SYN3: variants seen among roughly 807,000 people sequenced by gnomAD.
The protein encoded by SYN3 is synapsin III.
In SYN3, 35 loss-of-function variants were observed where a neutral mutation model predicts 65.8. That is an observed-to-expected ratio of 0.53 (90% CI 0.41 to 0.70). The LOEUF (loss-of-function observed/expected upper bound fraction) is 0.70. Among genes scored for constraint, SYN3 ranks in the 30% least tolerant of loss-of-function variants. The pLI, the probability that SYN3 is intolerant of heterozygous loss-of-function variation, is 0.00. For missense variants in SYN3, 680 were observed against 749.0 expected, an observed-to-expected ratio of 0.91 and a Z score of 1.08; for synonymous variants, 270 against 292.9, an observed-to-expected ratio of 0.92 and a Z score of 0.80.
intron 6 of SYN3, among the ~76,000 whole-genome samples, chr22:32,611,824 G>T (rs1038518496): frequency 6.6e-6 from 1 of 152,134 alleles, no homozygotes; most frequent in East Asian, 1.9e-4. Flanking sequence ...AGCATCTTTT[G>T]TTCTAATGAG....
chr22:32,938,420 C>A (rs1403723515), intron 3 of SYN3, among the ~76,000 whole-genome samples: 1 of 151,452 alleles, frequency 6.6e-6, no homozygotes, highest in East Asian at 1.9e-4. Context: ...GTTCCAGCTA[C>A]TCGGGAGGCT....
Position 32,784,310 on chromosome 22 carries a change from C to T in SYN3, c.711+80605G>A, listed in dbSNP as rs2046139773. Among the ~76,000 whole-genome samples the T allele has an allele frequency of 2.0e-5, 3 of 152,218 alleles. No individual in the cohort carries two copies. In the South Asian group the frequency reaches 6.2e-4, roughly 32 times the overall value. On this transcript the variant is annotated intron_variant, in intron 6 of 13. Transcript: ENST00000358763. ...TATATGAATATGAACAATCATGTTA[C>T]ATGAGGCTGGAATGCCCATCTTGGG... is the stretch of plus-strand genomic sequence containing the variant.
At chr22:32,716,827 C>T (rs909082059) in intron 6 of SYN3, among the ~76,000 whole-genome samples, 8 of 151,862 alleles carry the variant, frequency 5.3e-5, no homozygotes, top group Non-Finnish European at 1.2e-4. Flanking sequence ...CCTCTCTGAC[C>T]TTTTTTTTAA....
At chr22:32,707,504 T>C (rs2060896062) in intron 6 of SYN3, among the ~76,000 whole-genome samples, 1 of 152,304 alleles carries the variant, frequency 6.6e-6, no homozygotes, top group Non-Finnish European at 1.5e-5. Context: ...CAGTCTCAAA[T>C]GGACCAGGGT....
At chr22:32,707,311 G>A (rs936539200) in intron 6 of SYN3, among the ~76,000 whole-genome samples, 6 of 152,204 alleles carry the variant, frequency 3.9e-5, no homozygotes, top group Admixed American at 1.3e-4. Context: ...AGGGACTCAT[G>A]TTAGTGTAAG....
rs1408226248 is a variant in SYN3 at position 33,006,394 on chromosome 22, C to G, written c.269G>C (p.Arg90Thr). ...PPGPSTPIVQ[R>T]PRILLVIDDA... ...ATCGATCACCAACAGGATCCTGGGT[C>G]TTTGAACAATGGGCGTGGAGGGACC... The change falls in exon 2 of 14, where the codon AGA (arginine) becomes ACA (threonine). Residue 90 changes from arginine to threonine, a missense_variant. Arg to Thr is a moderately conservative substitution (Grantham distance 71). Transcript: ENST00000358763. 1 of 1,613,922 alleles carries G rather than the reference C, an allele frequency of 6.2e-7. No homozygotes were observed. Among genetic ancestry groups the G allele is most frequent in the African/African-American group, 1.3e-5 (1 of 74,948 alleles).
At chr22:32,519,014 C>G (rs955198543) in intron 12 of SYN3, among the ~76,000 whole-genome samples, 3 of 152,036 alleles carry the variant, frequency 2.0e-5, no homozygotes, top group Admixed American at 6.6e-5. Flanking sequence ...AAAGGACACA[C>G]GAGGATACAC....
At chr22:32,971,456 G>T (rs983891274) in intron 3 of SYN3, among the ~76,000 whole-genome samples, 2 of 152,188 alleles carry the variant, frequency 1.3e-5, no homozygotes, top group South Asian at 4.1e-4. Context: ...AGGCTTAGTG[G>T]ATCAGAGCGG....
chr22:32,915,826 T>C (rs1465062180), intron 4 of SYN3, among the ~76,000 whole-genome samples: 1 of 152,336 alleles, frequency 6.6e-6, no homozygotes, highest in East Asian at 1.9e-4. Context: ...TCTGATTTAG[T>C]TTCAGAAGAA....
chr22:33,026,032 G>C (rs1439000551), intron 1 of SYN3, among the ~76,000 whole-genome samples: 3 of 152,210 alleles, frequency 2.0e-5, no homozygotes, highest in Non-Finnish European at 4.4e-5. Context: ...GAGCAAGTGA[G>C]AGGAGACCTG....
chr22:32,852,058 G>C (rs556288169), intron 6 of SYN3, among the ~76,000 whole-genome samples: 1 of 152,316 alleles, frequency 6.6e-6, no homozygotes, highest in African/African-American at 2.4e-5. Context: ...CATTTACTGA[G>C]CAATTGCTTA....
intron 6 of SYN3, among the ~76,000 whole-genome samples, chr22:32,826,876 T>G (rs2047429909): frequency 6.6e-6 from 1 of 152,130 alleles, no homozygotes; most frequent in East Asian, 1.9e-4. Context: ...GTGACAACCC[T>G]AGGAGCCTGC....
intron 6 of SYN3, among the ~76,000 whole-genome samples, chr22:32,615,137 T>G (rs1275649308): frequency 6.6e-6 from 1 of 152,028 alleles, no homozygotes; most frequent in Non-Finnish European, 1.5e-5. Context: ...GGAGGCCGGG[T>G]GCGAGTGGCT....
intron 6 of SYN3, among the ~76,000 whole-genome samples, chr22:32,647,694 C>T (rs981678929): frequency 6.6e-6 from 1 of 151,994 alleles, no homozygotes; most frequent in South Asian, 2.1e-4. Flanking sequence ...CTGAAACCTC[C>T]GCCTCCTGGG....
chr22:32,649,838 A>G (rs973614585), intron 6 of SYN3, among the ~76,000 whole-genome samples: 11 of 152,184 alleles, frequency 7.2e-5, no homozygotes, highest in African/African-American at 2.7e-4. Context: ...TGGGCCACAG[A>G]ATCGGGTGGT....
intron 2 of SYN3, among the ~76,000 whole-genome samples, chr22:33,003,804 G>C (rs911167111): frequency 7.2e-5 from 11 of 152,226 alleles, no homozygotes; most frequent in Non-Finnish European, 1.5e-4. Flanking sequence ...TGTCTCTAGG[G>C]CATGTCAGAG....
At chr22:32,712,610 C>G (rs2060981331) in intron 6 of SYN3, among the ~76,000 whole-genome samples, 1 of 152,156 alleles carries the variant, frequency 6.6e-6, no homozygotes, top group Non-Finnish European at 1.5e-5. Flanking sequence ...CCCAGAAACT[C>G]TGTTGTGGCA....
chr22:32,987,927 T>A (rs1269512562), intron 2 of SYN3, among the ~76,000 whole-genome samples: 3 of 152,126 alleles, frequency 2.0e-5, no homozygotes, highest in African/African-American at 7.2e-5. Flanking sequence ...GAATGAGTAC[T>A]ACGAATAAAA....
At chr22:32,622,807 T>G (rs2059613979) in intron 6 of SYN3, among the ~76,000 whole-genome samples, 1 of 151,918 alleles carries the variant, frequency 6.6e-6, no homozygotes, top group African/African-American at 2.4e-5. Flanking sequence ...TTCGTTTTCT[T>G]AAAGGGGGCT....
Sources: gnomAD v4.1 joint callset for allele counts (sites outside exome capture counted in the v4.1 genomes callset) on GRCh38, gnomAD v4.1.1 for gene constraint, MANE v1.5 for transcripts, NCBI Gene and HGNC (gene_info 2026-07-23, HGNC 2026-07-21) for gene names.